The following PDZD9 variants were observed in gnomAD, a reference collection of about 807,000 sequenced individuals.
The protein encoded by PDZD9 is PDZ domain-containing protein 9.
PDZD9 carries 13 observed loss-of-function variants against 16.3 expected under a neutral mutation model. That is an observed-to-expected ratio of 0.80 (90% CI 0.52 to 1.27). PDZD9 has a LOEUF of 1.27. Among genes scored for constraint, PDZD9 ranks in the 50% most tolerant of loss-of-function variants. PDZD9 has a pLI of 0.00. For synonymous variants in PDZD9, 120 were observed against 111.0 expected, an observed-to-expected ratio of 1.08 and a Z score of -0.51; for missense variants, 288 against 310.9, an observed-to-expected ratio of 0.93 and a Z score of 0.55.
At position 21,988,687 on chromosome 16, in the gene PDZD9, T is replaced by C. The variant is rs1898944499; in HGVS notation, c.316A>G (p.Lys106Glu). ...ATGTTAATAAAATCTCGGTAAACCTTGATTTGTAGCACTGTTCCAATAGTG... is the reference window on the plus strand; with the variant it reads ...ATGTTAATAAAATCTCGGTAAACCTCGATTTGTAGCACTGTTCCAATAGTG... ...HITIGTVLQI[K>E]VYRDFINIPE... The change falls in exon 3 of 4, where the codon AAG becomes GAG. Residue 106 changes from lysine to glutamate, a missense_variant. Physicochemically the swap from Lys to Glu is moderately conservative, Grantham distance 56. Transcript: ENST00000424898. 1 of 1,613,112 alleles carries C rather than the reference T, an allele frequency of 6.2e-7. No homozygotes were observed. The highest frequency in any genetic ancestry group is 8.5e-7 in the Non-Finnish European group (1 of 1,179,176).
chr16:21,965,322 G>C, the PDZD9 span: 1 of 1,304,470 alleles, frequency 7.7e-7, no homozygotes. Flanking sequence ...GACCAAATTT[G>C]TATAGGCTTG....
chr16:21,966,145 C>G, the PDZD9 span, among the ~76,000 whole-genome samples: 34 of 148,878 alleles, frequency 2.3e-4, no homozygotes, highest in Non-Finnish European at 3.9e-4. Flanking sequence ...AAGACCCTGT[C>G]TCTACAAAAA....
chr16:21,978,613 A>T, the PDZD9 span, among the ~76,000 whole-genome samples: 1 of 152,194 alleles, frequency 6.6e-6, no homozygotes, highest in African/African-American at 2.4e-5. Context: ...AAATAGTTTT[A>T]CCTAGATCTA....
chr16:21,979,210 G>T (rs1292771377), downstream of PDZD9, among the ~76,000 whole-genome samples: 1 of 152,138 alleles, frequency 6.6e-6, no homozygotes, highest in Admixed American at 6.5e-5. Flanking sequence ...TTGACAGAAG[G>T]CTCTTCAAGA....
chr16:21,959,800 G>A, the PDZD9 span: 1 of 152,214 alleles, frequency 6.6e-6, no homozygotes, highest in African/African-American at 2.4e-5. Flanking sequence ...CAGAAGGGAT[G>A]TTCTATTAGC....
chr16:21,978,890 A>C (rs931028450), downstream of PDZD9, among the ~76,000 whole-genome samples: 1 of 152,222 alleles, frequency 6.6e-6, no homozygotes, highest in Non-Finnish European at 1.5e-5. Context: ...CAGGCCCTAA[A>C]AGAGGCAGCA....
the PDZD9 span, among the ~76,000 whole-genome samples, chr16:21,969,118 C>G: frequency 1.3e-5 from 2 of 152,068 alleles, no homozygotes; most frequent in African/African-American, 4.8e-5. Context: ...GTGATGTTGG[C>G]AAAATTAAAA....
chr16:21,962,031 A>G, the PDZD9 span, among the ~76,000 whole-genome samples: 5 of 152,164 alleles, frequency 3.3e-5, no homozygotes, highest in African/African-American at 7.2e-5. Flanking sequence ...GAACTTTTCT[A>G]TCTTCTCCCA....
intron 3 of PDZD9, among the ~76,000 whole-genome samples, chr16:21,986,102 A>G (rs913164020): frequency 2.6e-5 from 4 of 152,192 alleles, no homozygotes; most frequent in East Asian, 1.9e-4. Flanking sequence ...CAAACTTTCT[A>G]TACCACTTGG....
At chr16:21,972,836 T>A in the PDZD9 span, among the ~76,000 whole-genome samples, 1 of 152,240 alleles carries the variant, frequency 6.6e-6, no homozygotes, top group South Asian at 2.1e-4. Flanking sequence ...GCACAGTGGC[T>A]CACGCCTGTA....
chr16:21,991,154 C>T (rs1327399197), intron 2 of PDZD9, among the ~76,000 whole-genome samples: 1 of 152,174 alleles, frequency 6.6e-6, no homozygotes, highest in Non-Finnish European at 1.5e-5. Flanking sequence ...AGCTGGGTGT[C>T]TGCACACACC....
At position 21,996,248 on chromosome 16, in the gene PDZD9, C is replaced by G. The variant is rs1033496430; in HGVS notation, c.211+74G>C. 5 of 1,421,438 alleles carry G rather than the reference C, an allele frequency of 3.5e-6. No individual in the cohort carries two copies. In the Admixed American group the frequency reaches 8.5e-5, roughly 24 times the overall value. The allele number at this position is 1,421,438 out of a possible 1,614,324, so 88.1% of individuals were successfully genotyped here. On this transcript the variant is annotated intron_variant, in intron 2 of 3. Transcript: ENST00000424898. ...TCATATCCTTATAGTTACACTGAAA[C>G]CCGGTGACCCGAGTCACCCTGCAGG... is the stretch of plus-strand genomic sequence containing the variant.
chr16:21,973,267 C>G, the PDZD9 span, among the ~76,000 whole-genome samples: 1 of 152,230 alleles, frequency 6.6e-6, no homozygotes, highest in East Asian at 1.9e-4. Context: ...TCAGTAGGTC[C>G]ATTTTGGGAA....
Position 22,000,893 on chromosome 16 carries a change from C to G in PDZD9, c.31+124G>C, listed in dbSNP as rs1899284072. 5 of 863,500 alleles carry G rather than the reference C, an allele frequency of 5.8e-6. No individual in the cohort carries two copies. The Admixed American group carries it at 6.6e-5, about 11-fold the overall frequency. 53.5% of individuals were successfully genotyped at this position (863,500 alleles called of 1,614,324 possible). A position where few individuals can be genotyped will look rare whatever the true frequency, so the allele number is the denominator to read the frequency against. The stretch of plus-strand genomic sequence containing the variant: ...ATGATGATAATGATGATGATGATAA[C>G]AACAACGATGGAGAGAGGTTATCTC... On this transcript the variant is annotated intron_variant, in intron 1 of 3. Transcript: ENST00000424898.
the PDZD9 span, chr16:21,965,482 A>G: frequency 1.2e-6 from 2 of 1,607,000 alleles, no homozygotes; most frequent in Admixed American, 3.4e-5. Flanking sequence ...TGACTATAGG[A>G]TTGGAAAAGT....
intron 2 of PDZD9, among the ~76,000 whole-genome samples, chr16:21,993,854 A>G (rs1224669748): frequency 6.6e-6 from 1 of 152,128 alleles, no homozygotes; most frequent in Admixed American, 6.6e-5. Flanking sequence ...CAGTTTTAAA[A>G]GCACTTTCAT....
chr16:21,961,626 TTATATATATATATATATATA>T, the PDZD9 span, among the ~76,000 whole-genome samples: 617 of 64,498 alleles, frequency 9.6e-3, 24 homozygotes, highest in Middle Eastern at 0.021. Context: ...AACATAAAAT[TTATATATATATATATATATA>T]TATATATATA....
At chr16:21,987,589 G>T (rs1898909646) in intron 3 of PDZD9, among the ~76,000 whole-genome samples, 1 of 152,166 alleles carries the variant, frequency 6.6e-6, no homozygotes, top group Admixed American at 6.5e-5. Flanking sequence ...ACAGAAGCCT[G>T]GGAAGTGCTA....
chr16:21,979,528 G>C (rs1898664749), downstream of PDZD9, among the ~76,000 whole-genome samples: 1 of 152,094 alleles, frequency 6.6e-6, no homozygotes, highest in Non-Finnish European at 1.5e-5. Context: ...CTATAGTACT[G>C]AATACTGTAG....
Sources: gnomAD v4.1 joint callset for allele counts (sites outside exome capture counted in the v4.1 genomes callset) on GRCh38, gnomAD v4.1.1 for gene constraint, MANE v1.5 for transcripts, NCBI Gene and HGNC (gene_info 2026-07-23, HGNC 2026-07-21) for gene names.